NSD2: variants seen among roughly 807,000 people sequenced by gnomAD.
NSD2 encodes the protein histone-lysine N-methyltransferase NSD2.
In NSD2, 12 loss-of-function variants were observed where a neutral mutation model predicts 139.0. The observed-to-expected ratio is 0.09, with a 90% confidence interval of 0.06 to 0.14. The LOEUF (loss-of-function observed/expected upper bound fraction) is 0.14, where lower values mean the gene tolerates loss of function less well. Ranked by LOEUF, NSD2 falls within the 10% of genes least tolerant of loss-of-function variation. The pLI is 1.00. For synonymous variants in NSD2, 669 were observed against 648.7 expected (o/e 1.03, Z -0.48); for missense variants, 1,155 against 1,745.0 (o/e 0.66, Z 6.02).
chr4:1,916,252 C>T (rs995752746), intron 3 of NSD2, among the ~76,000 whole-genome samples: 1 of 152,230 alleles, frequency 6.6e-6, no homozygotes. Flanking sequence ...TCCTTTCTTG[C>T]ACATGTCCTC....
chr4:1,915,661 A>G (rs544303362), intron 3 of NSD2, among the ~76,000 whole-genome samples: 2 of 152,246 alleles, frequency 1.3e-5, no homozygotes, highest in East Asian at 3.9e-4. Flanking sequence ...AGCTGCCTGC[A>G]ACCATGGGTG....
Position 1,917,035 on chromosome 4 carries a change from A to G in NSD2, c.925A>G (p.Lys309Glu). 6.2e-7 allele frequency: 1 copy of G among 1,609,054 alleles called. No individual in the cohort carries two copies. The highest frequency in any genetic ancestry group is 8.5e-7 in the Non-Finnish European group (1 of 1,178,150). ...GGCACCCACGAAAGCTGAGAAAATT[A>G]AGGTGATAGATGACCCTTCAGTCTA... ...KQAPTKAEKI[K>E]LLKPISGKLR... is the part of the protein sequence containing the mutation. The change falls in exon 4 of 22, where the codon AAG (lysine) becomes GAG (glutamate). Residue 309 changes from lysine to glutamate, a missense_variant and splice_region_variant. Transcript: ENST00000508803.
At chr4:1,905,971 C>T (rs186398045) in intron 3 of NSD2, among the ~76,000 whole-genome samples, 13 of 152,246 alleles carry the variant, frequency 8.5e-5, no homozygotes, top group Middle Eastern at 6.8e-3. Context: ...CTCTGCAGCC[C>T]GGGTGCAGGC....
In NSD2 at chr4:1,972,308, G is replaced by A. The variant is rs1726579689; in HGVS notation, c.3373-2555G>A. 6.6e-6 allele frequency among the ~76,000 whole-genome samples: 1 copy of A among 152,236 alleles called. No individual in the cohort carries two copies. Among genetic ancestry groups the A allele is most frequent in the Non-Finnish European group, 1.5e-5 (1 of 68,042 alleles). ...TGGCGGTACAGGCTATGTCTCAGCT[G>A]GGAAAGGAGAGGCTGTGAGGGTGGA... On this transcript the variant is annotated intron_variant, in intron 18 of 21. Transcript: ENST00000508803. The surrounding 1 kb of genome is among the most constrained non-coding windows in gnomAD (Gnocchi z 4.0).
At chr4:1,970,056 A>G (rs1726289764) in intron 18 of NSD2, among the ~76,000 whole-genome samples, 1 of 152,130 alleles carries the variant, frequency 6.6e-6, no homozygotes, top group African/African-American at 2.4e-5. Flanking sequence ...GGAATGTAGG[A>G]AAGAAAGAGA....
chr4:1,955,562 A>ATG lies in NSD2; in HGVS notation c.2519-129_2519-128dup, dbSNP rs764338341. The stretch of plus-strand genomic sequence containing the variant: ...GAAAATGACATTTGCTCTCGTGCTG[A>ATG]TGTACAGATCGCTGTTTTAAAACTG... On this transcript the variant is annotated intron_variant, in intron 13 of 21. Coordinates refer to ENST00000508803, the MANE Select transcript of NSD2 (RefSeq NM_001042424.3). This position sits in a 1 kb window ranked among gnomAD's most constrained non-coding sequence, Gnocchi z 4.7. 1.8e-4 allele frequency: 228 copies of ATG among 1,272,432 alleles called. No homozygotes were observed. The highest frequency in any genetic ancestry group is 2.3e-4 in the Non-Finnish European group (215 of 948,328). The allele number at this position is 1,272,432 out of a possible 1,614,324, so 78.8% of individuals were successfully genotyped here.
chr4:1,934,878 A>ATATAT (rs61664298), intron 6 of NSD2, among the ~76,000 whole-genome samples: 1 of 22,058 alleles, frequency 4.5e-5, no homozygotes, highest in African/African-American at 2.1e-4. Context: ...AAAAAAAAAA[A>ATATAT]ATATATATAT....
At chr4:1,947,960 A>AC in intron 9 of NSD2, 1 of 1,056,690 alleles carries the variant, frequency 9.5e-7, no homozygotes, top group Non-Finnish European at 1.1e-6. Flanking sequence ...CTGAAGGGCC[A>AC]CGTGCTTTTA....
At chr4:1,961,815 ACG>A (rs1725401537) in intron 18 of NSD2, among the ~76,000 whole-genome samples, 1 of 152,162 alleles carries the variant, frequency 6.6e-6, no homozygotes, top group South Asian at 2.1e-4. Flanking sequence ...CTTCCCTCAC[ACG>A]GCAGGCTTTT....
intron 5 of NSD2, among the ~76,000 whole-genome samples, chr4:1,919,942 A>C (rs190455376): frequency 2.5e-3 from 380 of 152,268 alleles, no homozygotes; most frequent in African/African-American, 8.5e-3. Context: ...CTCAAAAAAA[A>C]AGGAAAAAAA....
intron 7 of NSD2, among the ~76,000 whole-genome samples, chr4:1,936,473 C>T (rs1281213454): frequency 6.6e-6 from 1 of 152,030 alleles, no homozygotes; most frequent in Non-Finnish European, 1.5e-5. Context: ...GAGATCAAGA[C>T]CAGTCTGGCC....
In NSD2 at chr4:1,900,870, C is replaced by G. The variant is rs112939388; in HGVS notation, c.216C>G (p.Pro72=). 1,757 of 1,613,316 alleles carry G rather than the reference C, an allele frequency of 1.1e-3. 17 individuals carry two copies. The African/African-American group carries it at 0.02, about 18-fold the overall frequency. The change falls in exon 2 of 22, where the codon CCC becomes CCG. Residue 72 remains proline, a synonymous_variant. Coordinates refer to ENST00000508803, the MANE Select transcript of NSD2 (RefSeq NM_001042424.3). ...MQKFNGHDAL[P]FIPADKLKDL... is the part of the protein sequence containing the mutation. ...AGTTTAACGGCCACGACGCCCTGCC[C>G]TTTATTCCAGCCGACAAGCTGAAAG...
intron 6 of NSD2, 52 bp from the exon 7 acceptor site, chr4:1,935,092 T>C: frequency 1.4e-6 from 2 of 1,476,350 alleles, no homozygotes; most frequent in Non-Finnish European, 1.9e-6. Context: ...GTGCTTCAAA[T>C]GCAGCTTTTG....
intron 9 of NSD2, chr4:1,940,909 A>G (rs1455949193): frequency 9.5e-7 from 1 of 1,056,596 alleles, no homozygotes; most frequent in African/African-American, 1.7e-5. Context: ...CTCAGCGACC[A>G]CTCCTCCGAG....
chr4:1,919,991 C>G (rs1343961670), intron 5 of NSD2, among the ~76,000 whole-genome samples: 1 of 152,070 alleles, frequency 6.6e-6, no homozygotes, highest in African/African-American at 2.4e-5. Flanking sequence ...CTTTAACCAG[C>G]ATGTATTTTG....
Position 1,904,370 on chromosome 4 carries a change from A to G in NSD2, c.752A>G (p.Lys251Arg), listed in dbSNP as rs766736390. ...GATCCACTCCTTCACAGCTATACCA[A>G]ACTTAAAGGTATTGTGTTCTTTGGG... Reference protein sequence around the residue: ...SADPLLHSYTKLKGQKKSARQ... With the variant: ...SADPLLHSYTRLKGQKKSARQ... Residue 251 changes from lysine to arginine, a missense_variant, in exon 3 of 22, where the codon AAA (lysine) becomes AGA (arginine). Physicochemically the swap from Lys to Arg is conservative, Grantham distance 26. Coordinates refer to ENST00000508803, the MANE Select transcript of NSD2 (RefSeq NM_001042424.3). 2.3e-5 allele frequency: 37 copies of G among 1,610,618 alleles called. 1 individual carries two copies. In the Admixed American group the frequency reaches 4.0e-4, roughly 18 times the overall value.
At chr4:1,960,078 C>T (rs966646116) in intron 17 of NSD2, among the ~76,000 whole-genome samples, 7 of 152,082 alleles carry the variant, frequency 4.6e-5, no homozygotes, top group Middle Eastern at 6.8e-3. Context: ...AGGCTCATTT[C>T]GAACTCCTGG....
chr4:1,894,401 T>G (rs1018307538), intron 1 of NSD2, among the ~76,000 whole-genome samples: 6 of 152,204 alleles, frequency 3.9e-5, no homozygotes, highest in Non-Finnish European at 8.8e-5. Flanking sequence ...ATGTTTCACC[T>G]CTTTGAAATT....
chr4:1,921,004 C>G (rs909187895), intron 5 of NSD2, among the ~76,000 whole-genome samples: 2 of 152,160 alleles, frequency 1.3e-5, no homozygotes, highest in Admixed American at 6.5e-5. Context: ...TGCCATTGCA[C>G]TCTAGTCTGG....
Sources: allele counts gnomAD v4.1 joint callset (sites outside exome capture counted in the v4.1 genomes callset), GRCh38; gene constraint gnomAD v4.1.1; non-coding constraint Gnocchi (gnomAD v3.1); transcripts MANE v1.5; gene names NCBI Gene and HGNC (gene_info 2026-07-23, HGNC 2026-07-21).